The following CDH11 variants were observed in gnomAD, a reference collection of about 807,000 sequenced individuals.
CDH11 encodes cadherin 11.
A neutral mutation model predicts 67.8 loss-of-function variants in CDH11; 11 were observed. The observed-to-expected ratio is 0.16, with a 90% CI of 0.10 to 0.27. The LOEUF (loss-of-function observed/expected upper bound fraction) is 0.27. Ranked by LOEUF, CDH11 falls within the 10% of genes least tolerant of loss-of-function variation. CDH11 has a pLI of 1.00. For missense variants in CDH11, 847 were observed against 1,031.2 expected (o/e 0.82, Z 2.45); for synonymous variants, 419 against 400.0 (o/e 1.05, Z -0.57).
intron 11 of CDH11, among the ~76,000 whole-genome samples, chr16:64,963,907 T>C (rs2071741624): frequency 6.6e-6 from 1 of 151,772 alleles, no homozygotes; most frequent in South Asian, 2.1e-4. Flanking sequence ...CTAGCAAAAA[T>C]GGAAAAAAAA....
chr16:64,972,914 T>A lies in CDH11; in HGVS notation c.1380A>T (p.Ala460=). ...GAGGAGAATACTTACGGATTTCTGCTGCAAAGACAGTGATGTTGAGCCAGG... is the reference window on the plus strand; with the variant it reads ...GAGGAGAATACTTACGGATTTCTGCAGCAAAGACAGTGATGTTGAGCCAGG... ...ETAWLNITVF[A]AEIHNRHQEA... Residue 460 remains alanine (A), a synonymous_variant, in exon 9 of 13, where the codon GCA becomes GCT. Transcript: ENST00000268603. The A allele has an allele frequency of 6.2e-7, 1 of 1,613,958 alleles. No homozygotes were observed. Among genetic ancestry groups the A allele is most frequent in the Non-Finnish European group, 8.5e-7 (1 of 1,179,890 alleles).
At chr16:65,081,441 C>T (rs963930747) in intron 1 of CDH11, among the ~76,000 whole-genome samples, 7 of 151,990 alleles carry the variant, frequency 4.6e-5, no homozygotes, top group Non-Finnish European at 8.8e-5. Flanking sequence ...TGGTGGCGGG[C>T]GCCTGTAGTC....
intron 1 of CDH11, among the ~76,000 whole-genome samples, chr16:65,086,123 A>T (rs1397462346): frequency 6.6e-6 from 1 of 152,242 alleles, no homozygotes; most frequent in Non-Finnish European, 1.5e-5. Context: ...CATTGATTCA[A>T]AAATATCTTC....
At position 64,982,151 on chromosome 16, in the gene CDH11, A is replaced by G. The variant is rs2142459330; in HGVS notation, c.1150T>C (p.Leu384=). 6.2e-7 allele frequency: 1 copy of G among 1,614,086 alleles called. No individual in the cohort carries two copies. Among genetic ancestry groups the G allele is most frequent in the Non-Finnish European group, 8.5e-7 (1 of 1,179,974 alleles). ...ACTTCGTGGATGTAACTTGGGGCCA[A>G]GAACATAGGGGGCTCATCAGCATCT... ...VEDADEPPMF[L]APSYIHEVQE... Residue 384 remains leucine (L), a synonymous_variant, in exon 8 of 13, where the codon TTG becomes CTG. Transcript: ENST00000268603.
rs201534824 is a variant in CDH11 at position 65,058,252 on chromosome 16, A to C, written c.-297-4324T>G. ...CAAAACAACACAAAACAAACAAACA[A>C]AAAGCCACCACAATGGGATATTTTG... is the stretch of plus-strand genomic sequence containing the variant. On this transcript the variant is annotated intron_variant, in intron 1 of 12. Transcript: ENST00000268603. Among the ~76,000 whole-genome samples the C allele has an allele frequency of 2.0e-5, 3 of 152,320 alleles. No homozygotes were observed. The East Asian group carries it at 5.8e-4, about 29-fold the overall frequency.
intron 1 of CDH11, among the ~76,000 whole-genome samples, chr16:65,103,551 A>G (rs142555477): frequency 0.011 from 1,716 of 152,282 alleles, 38 homozygotes; most frequent in African/African-American, 0.039. Flanking sequence ...TTTTTGTCTG[A>G]AAAATAGGGA....
intron 2 of CDH11, among the ~76,000 whole-genome samples, chr16:65,045,329 G>GTGTATATATA (rs71376755): frequency 3.2e-5 from 2 of 63,266 alleles, no homozygotes; most frequent in African/African-American, 1.3e-4. Flanking sequence ...TCCCTCAAAA[G>GTGTATATATA]TATATATATA....
chr16:64,988,179 T>G lies in CDH11; in HGVS notation c.977A>C (p.Glu326Ala). 6.2e-7 allele frequency: 1 copy of G among 1,610,942 alleles called. No homozygotes were observed. Among genetic ancestry groups the G allele is most frequent in the South Asian group, 1.1e-5 (1 of 90,432 alleles). Residue 326 changes from glutamate (E) to alanine (A), a missense_variant, in exon 7 of 13, where the codon GAG becomes GCG. Physicochemically the swap from Glu to Ala is moderately radical, Grantham distance 107. This residue lies in a region of CDH11 where 612 missense variants were observed against 678.7 expected (regional missense o/e 0.90). Transcript: ENST00000268603. Reference sequence around the variant, plus strand: ...CACCTTTTTCAGCTTTATCACCCCCTCCTGTGTTTCATAGTCCGTTGTGAT... The same window carrying G: ...CACCTTTTTCAGCTTTATCACCCCCGCCTGTGTTTCATAGTCCGTTGTGAT... ...FEITTDYETQ[E>A]GVIKLKKPVD... is the part of the protein sequence containing the mutation.
chr16:64,992,264 T>C (rs1360348140), intron 5 of CDH11, among the ~76,000 whole-genome samples: 1 of 152,236 alleles, frequency 6.6e-6, no homozygotes, highest in Non-Finnish European at 1.5e-5. Context: ...CTCATACTTT[T>C]TGACTTCCAG....
chr16:64,946,392 A>C lies in CDH11; in HGVS notation c.*1211T>G, dbSNP rs2071197628. On this transcript the variant is annotated 3_prime_UTR_variant, in exon 13 of 13. Coordinates refer to ENST00000268603, the MANE Select transcript of CDH11 (RefSeq NM_001797.4). ...ATAGAATGTATACCTGGAACATTAG[A>C]GTTCTGATAGCTCCATTCCCTCATG... 1.9e-6 allele frequency: 2 copies of C among 1,036,896 alleles called. No homozygotes were observed. The highest frequency in any genetic ancestry group is 2.3e-6 in the Non-Finnish European group (2 of 860,978). The allele number at this position is 1,036,896 out of a possible 1,614,324, so 64.2% of individuals were successfully genotyped here. A position where few individuals can be genotyped will look rare whatever the true frequency, so the allele number is the denominator to read the frequency against.
intron 1 of CDH11, among the ~76,000 whole-genome samples, chr16:65,091,696 C>A (rs148875172): frequency 9.3e-4 from 142 of 152,006 alleles, no homozygotes; most frequent in Admixed American, 2.4e-3. Flanking sequence ...AGACTACAGG[C>A]GCCCACCACC....
chr16:65,033,189 G>C (rs78008022), intron 2 of CDH11, among the ~76,000 whole-genome samples: 1 of 149,808 alleles, frequency 6.7e-6, no homozygotes, highest in Non-Finnish European at 1.5e-5. Flanking sequence ...CTGCTTGCAG[G>C]GCTTGGTCTA....
intron 1 of CDH11, among the ~76,000 whole-genome samples, chr16:65,076,804 T>C (rs1355978422): frequency 2.0e-5 from 3 of 152,032 alleles, no homozygotes; most frequent in African/African-American, 4.8e-5. Flanking sequence ...CTGTGTTAAT[T>C]TGCTGAGAAT....
chr16:65,122,143 G>C (rs1357330965), upstream of CDH11: 2 of 510,756 alleles, frequency 3.9e-6, no homozygotes, highest in East Asian at 4.0e-5. Context: ...GGGCGGGGGG[G>C]GCGGGAGGAG....
Position 64,982,203 on chromosome 16 carries a change from G to A in CDH11, c.1098C>T (p.Asp366=), listed in dbSNP as rs1456267895. ...PKFISNGPFK[D]TVTVKISVED... ...CTACTGAGATCTTGACGGTCACAGTGTCCTTGAAAGGGCCATTGCTGATAA... is the reference window on the plus strand; with the variant it reads ...CTACTGAGATCTTGACGGTCACAGTATCCTTGAAAGGGCCATTGCTGATAA... The change falls in exon 8 of 13, where the codon GAC becomes GAT. Residue 366 remains aspartate (D), a synonymous_variant. Transcript: ENST00000268603. 1.2e-6 allele frequency: 2 copies of A among 1,614,004 alleles called. No homozygotes were observed. Among genetic ancestry groups the A allele is most frequent in the East Asian group, 2.2e-5 (1 of 44,876 alleles).
chr16:64,989,373 G>A (rs1202361988), intron 6 of CDH11, among the ~76,000 whole-genome samples: 1 of 152,180 alleles, frequency 6.6e-6, no homozygotes, highest in African/African-American at 2.4e-5. Context: ...GCATGCTTGT[G>A]TTAATAATGT....
chr16:65,108,043 A>T (rs1466196475), intron 1 of CDH11, among the ~76,000 whole-genome samples: 1 of 152,222 alleles, frequency 6.6e-6, no homozygotes, highest in African/African-American at 2.4e-5. Flanking sequence ...CCCAATCACA[A>T]GAAATGAGAC....
chr16:65,113,472 G>T (rs2075194259), intron 1 of CDH11, among the ~76,000 whole-genome samples: 1 of 152,098 alleles, frequency 6.6e-6, no homozygotes, highest in Admixed American at 6.5e-5. Flanking sequence ...TAATGATTCA[G>T]TTAATGACTG....
chr16:65,077,354 C>T (rs1194673903), intron 1 of CDH11, among the ~76,000 whole-genome samples: 3 of 152,182 alleles, frequency 2.0e-5, no homozygotes, highest in African/African-American at 7.2e-5. Flanking sequence ...GAGGTAGAAG[C>T]TCCTCAATTG....
Sources: gnomAD v4.1 joint callset for allele counts (sites outside exome capture counted in the v4.1 genomes callset) on GRCh38, gnomAD v4.1.1 for gene constraint, gnomAD v4.1.1 regional missense constraint, MANE v1.5 for transcripts, NCBI Gene and HGNC (gene_info 2026-07-23, HGNC 2026-07-21) for gene names.